SEC14L6: variants seen among roughly 807,000 people sequenced by gnomAD.
The protein encoded by SEC14L6 is SEC14 like lipid binding 6.
In SEC14L6, 40 loss-of-function variants were observed where a neutral mutation model predicts 54.1. That is an observed-to-expected ratio of 0.74 (90% confidence interval 0.57 to 0.96). The LOEUF is 0.96. Among genes scored for constraint, SEC14L6 ranks in the 40% least tolerant of loss-of-function variants. The probability of loss-of-function intolerance (pLI) is 0.00; values close to 1 mark genes in which losing one functional copy is unlikely to be tolerated. For missense variants in SEC14L6, 471 were observed against 498.3 expected (o/e 0.95, Z 0.52); for synonymous variants, 171 against 198.4 (o/e 0.86, Z 1.16).
chr22:30,534,870 CAAAAATT>C (rs1937096668), intron 2 of SEC14L6, among the ~76,000 whole-genome samples: 1 of 151,616 alleles, frequency 6.6e-6, no homozygotes, highest in Non-Finnish European at 1.5e-5. Context: ...ACTAAAAGTA[CAAAAATT>C]AGCTGGGCAT....
rs1411015291 is a variant in SEC14L6, at chr22:30,525,417, G to C, written c.1014C>G (p.Pro338=). ...CCATGTGGGCATTGTAGCGCTGGCT[G>C]GGCAGCACCTCTGTCATCTCCCTAG... is the stretch of plus-strand genomic sequence containing the variant. ...QRAREMTEVL[P]SQRYNAHMVP... is the part of the protein sequence containing the mutation. Residue 338 remains proline (P), a synonymous_variant, in exon 11 of 12, where the codon CCC becomes CCG. Coordinates refer to ENST00000402034, the MANE Select transcript of SEC14L6 (RefSeq NM_001193336.4). The C allele has an allele frequency of 6.2e-7, 1 of 1,614,052 alleles. No individual in the cohort carries two copies. The highest frequency in any genetic ancestry group is 1.3e-5 in the African/African-American group (1 of 74,914).
intron 6 of SEC14L6, among the ~76,000 whole-genome samples, chr22:30,530,512 C>T (rs1182495648): frequency 6.6e-6 from 1 of 152,166 alleles, no homozygotes; most frequent in Non-Finnish European, 1.5e-5. Context: ...ACGATCATCC[C>T]ACCTTAGCCT....
chr22:30,540,106 T>G (rs2085672767), intron 1 of SEC14L6, among the ~76,000 whole-genome samples: 1 of 152,148 alleles, frequency 6.6e-6, no homozygotes, highest in Admixed American at 6.5e-5. Flanking sequence ...CCACCAAAAA[T>G]GGACTGATAA....
intron 1 of SEC14L6, among the ~76,000 whole-genome samples, chr22:30,544,554 G>T (rs2085779530): frequency 6.6e-6 from 1 of 151,810 alleles, no homozygotes; most frequent in Admixed American, 6.6e-5. Context: ...CCACTTCCAT[G>T]GAAAAGCTGG....
At chr22:30,540,482 G>A (rs1414954121) in intron 1 of SEC14L6, among the ~76,000 whole-genome samples, 3 of 149,988 alleles carry the variant, frequency 2.0e-5, no homozygotes, top group Non-Finnish European at 4.4e-5. Context: ...TTGGCCAGCC[G>A]AGGCAGGTGG....
In SEC14L6 at chr22:30,529,155, G is replaced by A; in HGVS notation, c.596C>T (p.Ala199Val). ...LIVVRAPKLF[A>V]VAFNLVKSYM... is the part of the protein sequence containing the mutation. Reference sequence around the variant, plus strand: ...AGACTTGACCAGGTTGAAGGCTACGGCGAATAGCTTGGGGGCTGAAACCAG... The same window carrying A: ...AGACTTGACCAGGTTGAAGGCTACGACGAATAGCTTGGGGGCTGAAACCAG... Residue 199 changes from alanine to valine, a missense_variant, in exon 8 of 12, where the codon GCC becomes GTC. By Grantham distance (64) the Ala-to-Val change is moderately conservative (BLOSUM62 0). Coordinates refer to ENST00000402034, the MANE Select transcript of SEC14L6 (RefSeq NM_001193336.4). The A allele has an allele frequency of 1.3e-6, 2 of 1,551,142 alleles. No homozygotes were observed. The highest frequency in any genetic ancestry group is 1.2e-5 in the South Asian group (1 of 84,046).
Position 30,525,677 on chromosome 22 carries a change from C to T in SEC14L6, c.845G>A (p.Arg282Lys). 7 of 1,613,202 alleles carry T rather than the reference C, an allele frequency of 4.3e-6. No individual in the cohort carries two copies. The highest frequency in any genetic ancestry group is 5.9e-6 in the Non-Finnish European group (7 of 1,179,740). The change falls in exon 10 of 12, where the codon AGG becomes AAG. Residue 282 changes from arginine to lysine, a missense_variant. Physicochemically the swap from Arg to Lys is conservative, Grantham distance 26. Transcript: ENST00000402034. ...KQVRLQYEHTRSVGRGSSLQV... is the reference protein window; with the variant it reads ...KQVRLQYEHTKSVGRGSSLQV... ...CAGGGAGGAGCCGCGGCCCACGGAC[C>T]TCGTGTGCTCATACTGCAGCCTCAC...
intron 1 of SEC14L6, among the ~76,000 whole-genome samples, chr22:30,540,892 G>A (rs528801928): frequency 2.0e-5 from 3 of 151,748 alleles, no homozygotes; most frequent in African/African-American, 7.3e-5. Flanking sequence ...GGTGGCAGGC[G>A]CCTGTAATCA....
intron 1 of SEC14L6, chr22:30,542,915 A>C (rs2085750268): frequency 6.2e-7 from 1 of 1,601,132 alleles, no homozygotes; most frequent in African/African-American, 1.3e-5. Flanking sequence ...ACCCCAGCAG[A>C]TGCCGGCACC....
At chr22:30,532,111 G>A (rs1936997622) in intron 5 of SEC14L6, 113 bp from the exon 6 acceptor site, 1 of 1,454,866 alleles carries the variant, frequency 6.9e-7, no homozygotes, top group Non-Finnish European at 9.0e-7. Flanking sequence ...AGCTCTGCAT[G>A]GCACAGAGAT....
intron 8 of SEC14L6, among the ~76,000 whole-genome samples, chr22:30,527,538 T>C (rs1048721721): frequency 2.0e-5 from 3 of 151,788 alleles, no homozygotes; most frequent in African/African-American, 7.3e-5. Context: ...GTGTGAGCGC[T>C]ACACTGAAAA....
intron 1 of SEC14L6, among the ~76,000 whole-genome samples, chr22:30,545,708 G>A (rs935490860): frequency 3.3e-5 from 5 of 152,206 alleles, no homozygotes; most frequent in African/African-American, 4.8e-5. Flanking sequence ...TTATAGGCCC[G>A]AGCTACTGCA....
At chr22:30,541,186 C>T (rs553976412) in intron 1 of SEC14L6, among the ~76,000 whole-genome samples, 153 of 128,710 alleles carry the variant, frequency 1.2e-3, no homozygotes, top group Middle Eastern at 0.011. Flanking sequence ...TCAAGAAACA[C>T]AACTTTTAAA....
chr22:30,543,951 G>A (rs1386751358), intron 1 of SEC14L6: 1 of 1,606,376 alleles, frequency 6.2e-7, no homozygotes, highest in Admixed American at 1.7e-5. Context: ...CCAGCCTGCA[G>A]CCTGCGTCGG....
At chr22:30,533,953 A>G in intron 3 of SEC14L6, 43 bp downstream of exon 3, 2 of 1,527,702 alleles carry the variant, frequency 1.3e-6, no homozygotes, top group Non-Finnish European at 1.8e-6. Context: ...GACTTGGGAT[A>G]GGAAACAGGA....
chr22:30,532,923 G>A, intron 3 of SEC14L6, 67 bp from the exon 4 acceptor site: 2 of 1,581,240 alleles, frequency 1.3e-6, no homozygotes. Context: ...GATACCTGGG[G>A]ACACCAGGCC....
intron 8 of SEC14L6, among the ~76,000 whole-genome samples, chr22:30,528,721 G>A (rs570690061): frequency 1.3e-5 from 2 of 152,034 alleles, no homozygotes; most frequent in Admixed American, 6.6e-5. Context: ...ACTGTGTGCC[G>A]CCAAAGATCC....
rs7289983 is a variant in SEC14L6 at position 30,532,106 on chromosome 22, T to G, written c.424-108A>C. On this transcript the variant is annotated intron_variant, in intron 5 of 11. Coordinates refer to ENST00000402034, the MANE Select transcript of SEC14L6 (RefSeq NM_001193336.4). ...GCACTGGCCTGGCTTGTCTCAGCTC[T>G]GCATGGCACAGAGATGGGGGAGGGA... 0.015 allele frequency: 22,037 copies of G among 1,466,542 alleles called. 1,901 individuals are homozygous for G. In the African/African-American group the frequency reaches 0.21, roughly 14 times the overall value. The allele number at this position is 1,466,542 out of a possible 1,614,324, so 90.8% of individuals were successfully genotyped here.
chr22:30,537,532 T>A (rs1053869380), intron 2 of SEC14L6, among the ~76,000 whole-genome samples: 3 of 152,160 alleles, frequency 2.0e-5, no homozygotes, highest in Admixed American at 6.6e-5. Flanking sequence ...CGTGGGAGTA[T>A]CGCTTGAGCC....
Sources: allele counts gnomAD v4.1 joint callset (sites outside exome capture counted in the v4.1 genomes callset), GRCh38; gene constraint gnomAD v4.1.1; transcripts MANE v1.5; gene names NCBI Gene and HGNC (gene_info 2026-07-23, HGNC 2026-07-21).